Variants in VPS13D observed in about 807,000 individuals in gnomAD.
VPS13D encodes vacuolar protein sorting 13 homolog D.
In VPS13D, 187 loss-of-function variants were observed where a neutral mutation model predicts 461.9. The ratio of observed to expected loss-of-function variants is 0.40; its 90% CI spans 0.36 to 0.46. VPS13D has a LOEUF of 0.46. Among genes scored for constraint, VPS13D ranks in the 20% least tolerant of loss-of-function variants. VPS13D has a pLI of 0.60. For synonymous variants in VPS13D, 1,951 were observed against 1,986.3 expected, an observed-to-expected ratio of 0.98 and a Z score of 0.47; for missense variants, 4,711 against 5,364.9, an observed-to-expected ratio of 0.88 and a Z score of 3.81.
At chr1:12,330,066 C>A in intron 37 of VPS13D, 148 bp downstream of exon 37, 1 of 657,464 alleles carries the variant, frequency 1.5e-6, no homozygotes. Flanking sequence ...TGCATAAACA[C>A]AGAAAATAAG....
In VPS13D at chr1:12,269,884, A is replaced by G. The variant is rs1641383440; in HGVS notation, c.1972+1008A>G. ...AGAAGGTGGCCAGGCACAATGGTTCATACCTGTAATCCTAGAACTTTGAGA... is the reference window on the plus strand; with the variant it reads ...AGAAGGTGGCCAGGCACAATGGTTCGTACCTGTAATCCTAGAACTTTGAGA... On this transcript the variant is annotated intron_variant, in intron 16 of 69. Transcript: ENST00000620676. 2.6e-5 allele frequency among the ~76,000 whole-genome samples: 4 copies of G among 152,336 alleles called. No individual in the cohort carries two copies. The South Asian group carries it at 8.3e-4, about 32-fold the overall frequency.
intron 67 of VPS13D, among the ~76,000 whole-genome samples, chr1:12,491,069 T>C (rs1645874441): frequency 6.6e-6 from 1 of 152,172 alleles, no homozygotes; most frequent in Non-Finnish European, 1.5e-5. Flanking sequence ...GTGACCAGTA[T>C]TGGAAGAGGT....
In VPS13D at chr1:12,314,127, G is replaced by C. The variant is rs1401169746; in HGVS notation, c.6948G>C (p.Lys2316Asn). 1.2e-6 allele frequency: 2 copies of C among 1,613,948 alleles called. No individual in the cohort carries two copies. Among genetic ancestry groups the C allele is most frequent in the South Asian group, 2.2e-5 (2 of 91,030 alleles). ...GAGSLARFDF[K>N]KCKLLYESFS... ...TTCTCTCTTTTAGATTTGACTTCAAGAAATGCAAACTGCTCTATGAAAGTT... is the reference window on the plus strand; with the variant it reads ...TTCTCTCTTTTAGATTTGACTTCAACAAATGCAAACTGCTCTATGAAAGTT... The change falls in exon 30 of 70, where the codon AAG becomes AAC. Residue 2316 changes from lysine (K) to asparagine (N), a missense_variant. Coordinates refer to ENST00000620676, the MANE Select transcript of VPS13D (RefSeq NM_015378.4).
intron 67 of VPS13D, among the ~76,000 whole-genome samples, chr1:12,468,139 ACT>A (rs947822985): frequency 5.9e-5 from 9 of 152,180 alleles, no homozygotes; most frequent in Admixed American, 5.2e-4. Context: ...TGTTTTTAAA[ACT>A]CTAACGTGAC....
chr1:12,247,981 G>T (rs1005451616), intron 5 of VPS13D, among the ~76,000 whole-genome samples: 1 of 151,062 alleles, frequency 6.6e-6, no homozygotes, highest in Admixed American at 6.6e-5. Flanking sequence ...TCCGCCTCCC[G>T]GGTTCATGCC....
intron 20 of VPS13D, among the ~76,000 whole-genome samples, chr1:12,282,398 C>G (rs535816680): frequency 1.6e-4 from 25 of 152,298 alleles, no homozygotes; most frequent in Non-Finnish European, 3.4e-4. Flanking sequence ...TTTGTCAACA[C>G]TCTTCAGTTT....
In VPS13D at chr1:12,234,201, G is replaced by T; in HGVS notation, c.-66G>T. On this transcript the variant is annotated 5_prime_UTR_variant, in exon 2 of 70. Transcript: ENST00000620676. ...ATTTTCCTTTCATAGATTTTTCTGTGACCATGAAAGAGAGAAATAAAGAAT... is the reference window on the plus strand; with the variant it reads ...ATTTTCCTTTCATAGATTTTTCTGTTACCATGAAAGAGAGAAATAAAGAAT... 8.6e-7 allele frequency: 1 copy of T among 1,164,612 alleles called. No individual in the cohort carries two copies. 72.1% of individuals were successfully genotyped at this position (1,164,612 alleles called of 1,614,324 possible). A position where few individuals can be genotyped will look rare whatever the true frequency, so the allele number is the denominator to read the frequency against.
At chr1:12,230,697 C>T (rs1214950791) in intron 1 of VPS13D, among the ~76,000 whole-genome samples, 2 of 151,902 alleles carry the variant, frequency 1.3e-5, no homozygotes, top group Non-Finnish European at 2.9e-5. Flanking sequence ...TACCTTTTGC[C>T]CCCCAGGGTC....
At chr1:12,336,831 A>G (rs1643461623) in intron 39 of VPS13D, 1 of 152,208 alleles carries the variant, frequency 6.6e-6, no homozygotes, top group Admixed American at 6.5e-5. Flanking sequence ...TCCTCCTCCA[A>G]CCTTCCCAAT....
intron 65 of VPS13D, among the ~76,000 whole-genome samples, chr1:12,427,473 C>T (rs1644937373): frequency 6.6e-6 from 1 of 151,168 alleles, no homozygotes. Flanking sequence ...TAACCAACCA[C>T]AGATCAAAAC....
At chr1:12,480,093 C>G (rs902066503) in intron 67 of VPS13D, among the ~76,000 whole-genome samples, 2 of 152,192 alleles carry the variant, frequency 1.3e-5, no homozygotes, top group African/African-American at 4.8e-5. Flanking sequence ...AGGAGCTGTG[C>G]TGTCCCTGGT....
At chr1:12,484,465 A>C (rs749637806) in intron 67 of VPS13D, among the ~76,000 whole-genome samples, 2 of 152,220 alleles carry the variant, frequency 1.3e-5, no homozygotes, top group Non-Finnish European at 2.9e-5. Context: ...TATTAAAGAG[A>C]TTTTCATTAA....
chr1:12,319,882 A>G (rs1050455039), intron 32 of VPS13D, among the ~76,000 whole-genome samples: 1 of 152,202 alleles, frequency 6.6e-6, no homozygotes, highest in Non-Finnish European at 1.5e-5. Context: ...TTCTTCCTCA[A>G]GAAGTTCAAG....
chr1:12,356,125 G>T, intron 48 of VPS13D, 35 bp downstream of exon 48: 1 of 1,564,118 alleles, frequency 6.4e-7, no homozygotes, highest in Non-Finnish European at 8.7e-7. Context: ...GGTCTTTGGC[G>T]TTAGTCATGG....
chr1:12,386,133 C>T (rs1644348142), intron 59 of VPS13D, 52 bp from the exon 60 acceptor site: 2 of 1,564,734 alleles, frequency 1.3e-6, no homozygotes, highest in African/African-American at 2.7e-5. Context: ...CTCCTGGATA[C>T]TGTGAGCTGT....
At chr1:12,289,886 T>C (rs1360851105) in intron 22 of VPS13D, among the ~76,000 whole-genome samples, 1 of 152,036 alleles carries the variant, frequency 6.6e-6, no homozygotes, top group African/African-American at 2.4e-5. Flanking sequence ...CAGTGAGCCA[T>C]GATTGTGCCA....
chr1:12,383,865 G>A (rs1164193718), intron 58 of VPS13D, among the ~76,000 whole-genome samples: 1 of 152,172 alleles, frequency 6.6e-6, no homozygotes, highest in Non-Finnish European at 1.5e-5. Context: ...CATACGATGT[G>A]GAAGTTGACT....
At chr1:12,267,544 G>T (rs1274302650) in intron 14 of VPS13D, among the ~76,000 whole-genome samples, 1 of 152,106 alleles carries the variant, frequency 6.6e-6, no homozygotes, top group African/African-American at 2.4e-5. Flanking sequence ...TTATGGAGAG[G>T]GTGGGAAGGC....
Position 12,495,145 on chromosome 1 carries a change from T to C in VPS13D, c.12663-2355T>C, listed in dbSNP as rs541403985. On this transcript the variant is annotated intron_variant, in intron 67 of 69. Transcript: ENST00000620676. The surrounding 1 kb of genome is among the most constrained non-coding windows in gnomAD (Gnocchi z 4.0). ...GAGCAGATGACTGACTTGATGTAAC[T>C]TACCTTTTTTTTTTTTTTTTTTGAG... Among the ~76,000 whole-genome samples the C allele has an allele frequency of 1.0e-3, 152 of 151,468 alleles. No individual in the cohort carries two copies. Among genetic ancestry groups the C allele is most frequent in the African/African-American group, 3.6e-3 (148 of 41,196 alleles).
Sources: gnomAD v4.1 joint callset for allele counts (sites outside exome capture counted in the v4.1 genomes callset) on GRCh38, gnomAD v4.1.1 for gene constraint, Gnocchi (gnomAD v3.1) non-coding constraint, MANE v1.5 for transcripts, NCBI Gene and HGNC (gene_info 2026-07-23, HGNC 2026-07-21) for gene names.